The following TSHR variants were observed in gnomAD, a reference collection of about 807,000 sequenced individuals.
The protein encoded by TSHR is thyroid stimulating hormone receptor.
A neutral mutation model predicts 64.1 loss-of-function variants in TSHR; 51 were observed. That is an observed-to-expected ratio of 0.80 (90% confidence interval 0.64 to 1.01). The LOEUF is 1.01. Among genes scored for constraint, TSHR ranks in the 50% least tolerant of loss-of-function variants. The pLI is 0.00. For synonymous variants in TSHR, 361 were observed against 361.9 expected, an observed-to-expected ratio of 1.00 and a Z score of 0.03; for missense variants, 877 against 942.8, an observed-to-expected ratio of 0.93 and a Z score of 0.91.
intron 3 of TSHR, among the ~76,000 whole-genome samples, chr14:81,079,844 G>C (rs1295917487): frequency 6.9e-6 from 1 of 144,666 alleles, no homozygotes; most frequent in African/African-American, 2.6e-5. Flanking sequence ...AACAGAATGA[G>C]ACCCCTAGCT....
intron 3 of TSHR, 49 bp downstream of exon 3, chr14:81,068,377 G>A (rs199577737): frequency 6.3e-7 from 1 of 1,575,878 alleles, no homozygotes; most frequent in Non-Finnish European, 8.7e-7. Context: ...AACCACTCTT[G>A]ACTGATAATC....
At chr14:81,058,953 T>A (rs936582245) in intron 1 of TSHR, among the ~76,000 whole-genome samples, 20 of 152,096 alleles carry the variant, frequency 1.3e-4, no homozygotes, top group Non-Finnish European at 2.8e-4. Context: ...GATGGAGGGA[T>A]AAAAACAGAT....
At chr14:81,106,782 TA>T (rs1407730401) in intron 7 of TSHR, among the ~76,000 whole-genome samples, 2 of 151,808 alleles carry the variant, frequency 1.3e-5, no homozygotes, top group Non-Finnish European at 2.9e-5. Context: ...CTGTCTCTAC[TA>T]AAAATACAAA....
rs559802177 is a variant in TSHR, at chr14:81,079,215, A to G, written c.318-8739A>G. Among the ~76,000 whole-genome samples, 16 of 152,312 alleles carry G rather than the reference A, an allele frequency of 1.1e-4. No homozygotes were observed. The South Asian group carries it at 3.3e-3, about 32-fold the overall frequency. ...AGATTTATATCTGCAAAATGATGAA[A>G]CACTGGACACTTCCATTTTCTATTG... is the stretch of plus-strand genomic sequence containing the variant. On this transcript the variant is annotated intron_variant, in intron 3 of 9. Transcript: ENST00000298171.
chr14:81,011,505 T>C (rs1889906521), intron 1 of TSHR, among the ~76,000 whole-genome samples: 2 of 152,128 alleles, frequency 1.3e-5, no homozygotes, highest in Non-Finnish European at 2.9e-5. Context: ...ACAGTATTTA[T>C]AGTTGTCGCT....
At chr14:81,031,613 T>C (rs999236674) in intron 1 of TSHR, among the ~76,000 whole-genome samples, 3 of 152,208 alleles carry the variant, frequency 2.0e-5, no homozygotes, top group Admixed American at 2.0e-4. Flanking sequence ...ATCCTTCGTG[T>C]GCAAACTAGC....
At chr14:81,051,379 C>T (rs1401805872) in intron 1 of TSHR, 2 of 152,096 alleles carry the variant, frequency 1.3e-5, no homozygotes, top group Non-Finnish European at 2.9e-5. Context: ...CCTCCAAACT[C>T]CTGTTAATGT....
In TSHR at chr14:80,995,434, C is replaced by G. The variant is rs1594931023; in HGVS notation, c.170+39584C>G. The stretch of plus-strand genomic sequence containing the variant: ...AAAGACATGGAGTCAACCTAAATGT[C>G]CATCAGTGATAGACTGGATTAGGAA... On this transcript the variant is annotated intron_variant, in intron 1 of 9. Coordinates refer to ENST00000298171, the MANE Select transcript of TSHR (RefSeq NM_000369.5). 2.0e-5 allele frequency: 3 copies of G among 152,250 alleles called. No individual in the cohort carries two copies. In the South Asian group the frequency reaches 6.2e-4, roughly 32 times the overall value. The allele number at this position is 152,250 out of a possible 1,614,324, so 9.4% of individuals were successfully genotyped here.
At chr14:81,082,914 T>A (rs1289269949) in intron 3 of TSHR, among the ~76,000 whole-genome samples, 1 of 151,920 alleles carries the variant, frequency 6.6e-6, no homozygotes, top group Non-Finnish European at 1.5e-5. Flanking sequence ...CAGTTTAGGG[T>A]GTGGGGAAAT....
intron 1 of TSHR, among the ~76,000 whole-genome samples, chr14:81,058,890 G>C (rs1033328483): frequency 6.6e-6 from 1 of 152,092 alleles, no homozygotes; most frequent in Non-Finnish European, 1.5e-5. Context: ...TGAGTAAAAG[G>C]CCTTCTCTTG....
chr14:81,024,614 G>A (rs1883953089), intron 1 of TSHR, among the ~76,000 whole-genome samples: 1 of 152,094 alleles, frequency 6.6e-6, no homozygotes, highest in Admixed American at 6.6e-5. Context: ...AGATAAAAAG[G>A]TATTTTGCAA....
Position 81,143,934 on chromosome 14 carries a change from A to G in TSHR, c.1876A>G (p.Met626Val), listed in dbSNP as rs1252651159. 1.2e-5 allele frequency: 20 copies of G among 1,614,118 alleles called. No homozygotes were observed. Among genetic ancestry groups the G allele is most frequent in the Non-Finnish European group, 1.6e-5 (19 of 1,180,050 alleles). The change falls in exon 10 of 10, where the codon ATG (methionine) becomes GTG (valine). Residue 626 changes from methionine (M) to valine (V), a missense_variant. Met to Val is a conservative substitution (Grantham distance 21). Transcript: ENST00000298171. ...CAAAGATACCAAAATTGCCAAGAGG[A>G]TGGCTGTGTTGATCTTCACCGACTT... Reference protein sequence around the residue: ...GDKDTKIAKRMAVLIFTDFIC... With the variant: ...GDKDTKIAKRVAVLIFTDFIC...
At chr14:81,029,334 C>A (rs1018831695) in intron 1 of TSHR, among the ~76,000 whole-genome samples, 3 of 151,758 alleles carry the variant, frequency 2.0e-5, no homozygotes, top group Non-Finnish European at 4.4e-5. Flanking sequence ...CTATGATTTA[C>A]TTTTGAGGAT....
At chr14:80,973,859 C>T (rs1455866361) in intron 1 of TSHR, among the ~76,000 whole-genome samples, 1 of 152,142 alleles carries the variant, frequency 6.6e-6, no homozygotes, top group African/African-American at 2.4e-5. Flanking sequence ...AATTATTCTT[C>T]ACCTTATGTT....
At position 81,143,124 on chromosome 14, in the gene TSHR, T is replaced by C. The variant is rs1279183482; in HGVS notation, c.1066T>C (p.Phe356Leu). The change falls in exon 10 of 10, where the codon TTT becomes CTT. Residue 356 changes from phenylalanine to leucine, a missense_variant. By Grantham distance (22) the Phe-to-Leu change is conservative. Transcript: ENST00000298171. ...THNNAHYYVF[F>L]EEQEDEIIGF... is the part of the protein sequence containing the mutation. ...TAACAACGCTCATTATTACGTCTTC[T>C]TTGAAGAACAAGAGGATGAGATCAT... 1 of 1,614,170 alleles carries C rather than the reference T, an allele frequency of 6.2e-7. No individual in the cohort carries two copies.
At chr14:81,010,506 TA>T (rs1228372573) in intron 1 of TSHR, among the ~76,000 whole-genome samples, 2 of 152,030 alleles carry the variant, frequency 1.3e-5, no homozygotes, top group Non-Finnish European at 2.9e-5. Flanking sequence ...ATGAGCTTTT[TA>T]AATTTACATT....
At chr14:81,098,631 A>G (rs1889370244) in intron 7 of TSHR, among the ~76,000 whole-genome samples, 1 of 152,204 alleles carries the variant, frequency 6.6e-6, no homozygotes, top group South Asian at 2.1e-4. Flanking sequence ...TGACTATCAC[A>G]CAGTTCTAGA....
intron 3 of TSHR, among the ~76,000 whole-genome samples, chr14:81,069,128 G>T (rs1175014820): frequency 6.6e-6 from 1 of 151,512 alleles, no homozygotes; most frequent in Non-Finnish European, 1.5e-5. Flanking sequence ...ATTAAACATT[G>T]TATGAACATT....
At chr14:81,130,322 A>G (rs1434630755) in intron 8 of TSHR, among the ~76,000 whole-genome samples, 1 of 152,188 alleles carries the variant, frequency 6.6e-6, no homozygotes, top group Non-Finnish European at 1.5e-5. Context: ...AACTCCGTTT[A>G]CCAGGTCAAC....
Sources: allele counts gnomAD v4.1 joint callset (sites outside exome capture counted in the v4.1 genomes callset), GRCh38; gene constraint gnomAD v4.1.1; transcripts MANE v1.5; gene names NCBI Gene and HGNC (gene_info 2026-07-23, HGNC 2026-07-21).